NUP205: variants seen among roughly 807,000 people sequenced by gnomAD.
NUP205 encodes nucleoporin 205.
NUP205 carries 76 observed loss-of-function variants against 253.8 expected under a neutral mutation model. The ratio of observed to expected loss-of-function variants is 0.30; its 90% CI spans 0.25 to 0.36. The LOEUF is 0.36. Ranked by LOEUF, NUP205 falls within the 10% of genes least tolerant of loss-of-function variation. The pLI, the probability that NUP205 is intolerant of heterozygous loss-of-function variation, is 1.00. For missense variants in NUP205, 2,162 were observed against 2,425.5 expected (o/e 0.89, Z 2.28); for synonymous variants, 832 against 850.1 (o/e 0.98, Z 0.37).
At chr7:135,634,344 AT>A (rs1172989528) in intron 35 of NUP205, among the ~76,000 whole-genome samples, 4 of 152,230 alleles carry the variant, frequency 2.6e-5, no homozygotes, top group African/African-American at 9.6e-5. Flanking sequence ...GTCCTTTTAA[AT>A]TGAGGCAGCA....
intron 35 of NUP205, among the ~76,000 whole-genome samples, chr7:135,632,502 C>G (rs1462335994): frequency 6.6e-6 from 1 of 151,948 alleles, no homozygotes; most frequent in African/African-American, 2.4e-5. Flanking sequence ...ACCTCTGAAT[C>G]CACCCTATAA....
intron 2 of NUP205, among the ~76,000 whole-genome samples, chr7:135,572,131 T>G (rs1806013536): frequency 6.6e-6 from 1 of 152,118 alleles, no homozygotes; most frequent in Non-Finnish European, 1.5e-5. Context: ...AGTGTTGGGA[T>G]TATAGACGTG....
chr7:135,597,201 G>A, intron 13 of NUP205, 167 bp from the exon 14 acceptor site: 1 of 483,856 alleles, frequency 2.1e-6, no homozygotes, highest in Non-Finnish European at 3.7e-6. Context: ...CAACCTGGCA[G>A]AACTGCTAAT....
chr7:135,641,800 CA>C (rs1423420395), intron 38 of NUP205, among the ~76,000 whole-genome samples: 2 of 146,236 alleles, frequency 1.4e-5, no homozygotes, highest in Admixed American at 6.8e-5. Flanking sequence ...AAACCTGTCT[CA>C]AAAAAAAACA....
chr7:135,598,681 C>T (rs548105876), intron 15 of NUP205: 2 of 161,214 alleles, frequency 1.2e-5, no homozygotes, highest in East Asian at 1.8e-4. Context: ...GAGCACTGAT[C>T]TTTATGACAC....
rs1805783506 is a variant in NUP205 at position 135,567,120 on chromosome 7, C to CTA, written c.29-3983_29-3982dup. ...TGGGATTCTGTCTGTCTTGCTCAGTCTATGTGTGTATATATATATATATAT... is the reference window on the plus strand; with the variant it reads ...TGGGATTCTGTCTGTCTTGCTCAGTCTATATGTGTGTATATATATATATATAT... On this transcript the variant is annotated intron_variant, in intron 1 of 42. Coordinates refer to ENST00000285968, the MANE Select transcript of NUP205 (RefSeq NM_015135.3). 1.3e-3 allele frequency among the ~76,000 whole-genome samples: 72 copies of CTA among 53,842 alleles called. 17 individuals are homozygous for CTA. The highest frequency in any genetic ancestry group is 2.0e-3 in the Non-Finnish European group (58 of 28,454). The allele number at this position is 53,842 out of a possible 152,430, so 35.3% of individuals were successfully genotyped here.
At chr7:135,588,517 A>G (rs909488484) in intron 10 of NUP205, among the ~76,000 whole-genome samples, 9 of 150,876 alleles carry the variant, frequency 6.0e-5, no homozygotes, top group African/African-American at 1.2e-4. Flanking sequence ...AATGTAGTCA[A>G]TCCTTTATTG....
intron 28 of NUP205, among the ~76,000 whole-genome samples, 200 bp downstream of exon 28, chr7:135,618,803 C>T (rs1431013348): frequency 2.0e-5 from 3 of 152,074 alleles, no homozygotes; most frequent in Non-Finnish European, 4.4e-5. Context: ...TGAGTTATCT[C>T]GGGAGCTTTG....
At chr7:135,637,363 C>G (rs1423272068) in intron 36 of NUP205, among the ~76,000 whole-genome samples, 2 of 152,186 alleles carry the variant, frequency 1.3e-5, no homozygotes, top group African/African-American at 4.8e-5. Flanking sequence ...AAAGCTTGTC[C>G]TTTCTCTTTG....
intron 27 of NUP205, 97 bp downstream of exon 27, chr7:135,617,779 T>C (rs1794392018): frequency 1.3e-5 from 8 of 625,178 alleles, no homozygotes; most frequent in Middle Eastern, 5.6e-4. Context: ...GTTTGCTAAT[T>C]AGTAAGCTGC....
chr7:135,626,223 C>A lies in NUP205; in HGVS notation c.4672-17C>A, dbSNP rs1193423274. 1.9e-6 allele frequency: 3 copies of A among 1,612,572 alleles called. No individual in the cohort carries two copies. In the South Asian group the frequency reaches 3.3e-5, roughly 18 times the overall value. The stretch of plus-strand genomic sequence containing the variant: ...CATGATTTCAGCACTGATGATTTTT[C>A]TCTTGTAACTCCTCAGGCATTTCTC... On this transcript the variant is annotated splice_polypyrimidine_tract_variant and intron_variant, in intron 32 of 42. Coordinates refer to ENST00000285968, the MANE Select transcript of NUP205 (RefSeq NM_015135.3).
At chr7:135,647,402 G>A (rs372679876) in intron 42 of NUP205, among the ~76,000 whole-genome samples, 6 of 152,182 alleles carry the variant, frequency 3.9e-5, no homozygotes, top group Non-Finnish European at 8.8e-5. Context: ...GACTACATTC[G>A]CCCCTTAGTG....
At chr7:135,597,576 T>A (rs1423917700) in intron 14 of NUP205, among the ~76,000 whole-genome samples, 158 bp downstream of exon 14, 1 of 152,170 alleles carries the variant, frequency 6.6e-6, no homozygotes, top group African/African-American at 2.4e-5. Flanking sequence ...GAGATGAAAC[T>A]TTTAATAAAA....
At position 135,591,554 on chromosome 7, in the gene NUP205, T is replaced by C. The variant is rs1265135445; in HGVS notation, c.1578T>C (p.Cys526=). ...MLQGLANGPQ[C]AHYCFSLLKV... is the part of the protein sequence containing the mutation. ...AGGGATTGGCCAATGGGCCTCAGTG[T>C]GCCCACTACTGTTTCAGCCTGCTCA... Residue 526 remains cysteine (C), a synonymous_variant, in exon 11 of 43, where the codon TGT becomes TGC. Transcript: ENST00000285968. 6.2e-7 allele frequency: 1 copy of C among 1,613,906 alleles called. No individual in the cohort carries two copies. The highest frequency in any genetic ancestry group is 1.3e-5 in the African/African-American group (1 of 75,066).
rs1584683340 is a variant in NUP205, at chr7:135,626,116, C to G, written c.4672-124C>G. 4 of 1,184,940 alleles carry G rather than the reference C, an allele frequency of 3.4e-6. No individual in the cohort carries two copies. In the East Asian group the frequency reaches 9.4e-5, roughly 28 times the overall value. The allele number at this position is 1,184,940 out of a possible 1,614,324, so 73.4% of individuals were successfully genotyped here. ...GAAAGCGGTATAATGTAACCTGTCA[C>G]TAGCCCAGATTTCTCTTCAGTGATA... On this transcript the variant is annotated intron_variant, in intron 32 of 42. Transcript: ENST00000285968.
At chr7:135,645,988 G>C (rs1795000641) in intron 41 of NUP205, 170 bp from the exon 42 acceptor site, 1 of 613,744 alleles carries the variant, frequency 1.6e-6, no homozygotes, top group Non-Finnish European at 2.9e-6. Flanking sequence ...GTCTGGACCA[G>C]TGAAATGCTT....
chr7:135,589,135 A>G (rs1039444945), intron 10 of NUP205, among the ~76,000 whole-genome samples: 2 of 149,444 alleles, frequency 1.3e-5, no homozygotes, highest in African/African-American at 4.9e-5. Flanking sequence ...ACGCCACTGC[A>G]CTCCAGCCTA....
intron 1 of NUP205, among the ~76,000 whole-genome samples, chr7:135,568,028 C>T (rs4584074): frequency 0.16 from 25,076 of 152,104 alleles, 2,355 homozygotes; most frequent in East Asian, 0.23. Context: ...GAGTTCAAGA[C>T]CAGCCTGGCC....
chr7:135,632,821 C>G (rs1794739682), intron 35 of NUP205, among the ~76,000 whole-genome samples: 1 of 152,142 alleles, frequency 6.6e-6, no homozygotes, highest in South Asian at 2.1e-4. Context: ...TAATTACTCT[C>G]AATGTACTTC....
Sources: gnomAD v4.1 joint callset for allele counts (sites outside exome capture counted in the v4.1 genomes callset) on GRCh38, gnomAD v4.1.1 for gene constraint, MANE v1.5 for transcripts, NCBI Gene and HGNC (gene_info 2026-07-23, HGNC 2026-07-21) for gene names.